The following SIGLEC9 variants were observed in gnomAD, a reference collection of about 807,000 sequenced individuals.
The protein encoded by SIGLEC9 is sialic acid-binding Ig-like lectin 9.
A neutral mutation model predicts 38.3 loss-of-function variants in SIGLEC9; 26 were observed. That is an observed-to-expected ratio of 0.68 (90% CI 0.50 to 0.94). SIGLEC9 has a LOEUF of 0.94. Among genes scored for constraint, SIGLEC9 ranks in the 40% least tolerant of loss-of-function variants. The pLI is 0.00. For missense variants in SIGLEC9, 556 were observed against 585.7 expected (o/e 0.95, Z 0.52); for synonymous variants, 236 against 248.0 (o/e 0.95, Z 0.45).
chr19:51,130,069 T>A lies in SIGLEC9; in HGVS notation c.1382T>A (p.Ile461Asn). The change falls in exon 7 of 7, where the codon ATC (isoleucine) becomes AAC (asparagine). Residue 461 changes from isoleucine to asparagine, a missense_variant. Physicochemically the swap from Ile to Asn is moderately radical, Grantham distance 149. Coordinates refer to ENST00000250360, the MANE Select transcript of SIGLEC9 (RefSeq NM_014441.3). ...ATDTEYSEIKIHR is the reference protein window; with the variant it reads ...ATDTEYSEIKNHR ...GACACCGAGTACTCGGAGATCAAGA[T>A]CCACAGATGAGAAACTGCAGAGACT... is the stretch of plus-strand genomic sequence containing the variant. 7.5e-6 allele frequency: 12 copies of A among 1,610,556 alleles called. No homozygotes were observed. Among genetic ancestry groups the A allele is most frequent in the Non-Finnish European group, 1.0e-5 (12 of 1,178,174 alleles).
At position 51,125,663 on chromosome 19, in the gene SIGLEC9, C is replaced by T. The variant is rs745714183; in HGVS notation, c.488C>T (p.Thr163Ile). Residue 163 changes from threonine (T) to isoleucine (I), a missense_variant, in exon 2 of 7, where the codon ACC becomes ATC. By Grantham distance (89) the Thr-to-Ile change is moderately conservative. Coordinates refer to ENST00000250360, the MANE Select transcript of SIGLEC9 (RefSeq NM_014441.3). ...GAGTCCGGCTGCCCCCAGAATCTGA[C>T]CTGCTCTGTGCCCTGGGCCTGTGAG... ...TLESGCPQNLTCSVPWACEQG... is the reference protein window; with the variant it reads ...TLESGCPQNLICSVPWACEQG... 1.9e-6 allele frequency: 3 copies of T among 1,613,760 alleles called. No individual in the cohort carries two copies. Among genetic ancestry groups the T allele is most frequent in the South Asian group, 1.1e-5 (1 of 91,094 alleles).
At chr19:51,129,146 G>GT (rs750894593) in intron 6 of SIGLEC9, among the ~76,000 whole-genome samples, 3,882 of 136,128 alleles carry the variant, frequency 0.029, 308 homozygotes, top group Admixed American at 0.17. Flanking sequence ...GACTTTTTTT[G>GT]TTTTTTTTTT....
upstream of SIGLEC9, chr19:51,120,449 G>C (rs2091948315): frequency 6.6e-6 from 1 of 152,268 alleles, no homozygotes; most frequent in African/African-American, 2.4e-5. This position sits in a 1 kb window ranked among gnomAD's most constrained non-coding sequence, Gnocchi z 4.1. Flanking sequence ...CCCAGAAACA[G>C]GAATCAGCCC....
downstream of SIGLEC9, among the ~76,000 whole-genome samples, chr19:51,134,879 C>T (rs1197296330): frequency 6.6e-6 from 1 of 152,138 alleles, no homozygotes; most frequent in Non-Finnish European, 1.5e-5. Flanking sequence ...TACATTGCAT[C>T]TTTACTTTCC....
chr19:51,129,305 C>T (rs1388850306), intron 6 of SIGLEC9, among the ~76,000 whole-genome samples: 2 of 150,962 alleles, frequency 1.3e-5, no homozygotes, highest in Non-Finnish European at 3.0e-5. Context: ...ACTACAGGCG[C>T]CTGCCACCAC....
chr19:51,127,067 C>T lies in SIGLEC9; in HGVS notation c.786C>T (p.Leu262=). 3 of 1,614,114 alleles carry T rather than the reference C, an allele frequency of 1.9e-6. No individual in the cohort carries two copies. Among genetic ancestry groups the T allele is most frequent in the South Asian group, 1.1e-5 (1 of 91,080 alleles). The change falls in exon 4 of 7, where the codon CTC becomes CTT. Residue 262 remains leucine (L), a synonymous_variant. Transcript: ENST00000250360. ...TVLGNGSSLS[L]PEGQSLRLVC... is the part of the protein sequence containing the mutation. ...TGGGAAATGGCTCATCTCTGTCACT[C>T]CCAGAGGGCCAGTCTCTGCGCCTGG...
upstream of SIGLEC9, among the ~76,000 whole-genome samples, chr19:51,124,433 A>AC (rs200603906): frequency 3.4e-3 from 519 of 152,082 alleles, 6 homozygotes; most frequent in African/African-American, 0.012. Flanking sequence ...CCGCACAGTG[A>AC]CCCCTTGGGG....
intron 6 of SIGLEC9, among the ~76,000 whole-genome samples, chr19:51,129,397 G>C (rs547935780): frequency 6.6e-6 from 1 of 152,040 alleles, no homozygotes; most frequent in South Asian, 2.1e-4. Flanking sequence ...CTGACCTTGT[G>C]ATCTGCCCAC....
chr19:51,128,791 A>G, intron 6 of SIGLEC9: 2 of 389,748 alleles, frequency 5.1e-6, no homozygotes, highest in Non-Finnish European at 9.5e-6. Flanking sequence ...GCCTGGGGGG[A>G]CTGTCCAGAA....
At chr19:51,133,781 T>A (rs1429913532), downstream of SIGLEC9, among the ~76,000 whole-genome samples, 2 of 152,146 alleles carry the variant, frequency 1.3e-5, no homozygotes, top group Non-Finnish European at 2.9e-5. Flanking sequence ...CACATGTGGC[T>A]ACTGAGCACT....
chr19:51,119,793 T>A, the SIGLEC9 span, among the ~76,000 whole-genome samples: 1 of 134,526 alleles, frequency 7.4e-6, no homozygotes, highest in Admixed American at 6.9e-5. Flanking sequence ...GAGGGACTCT[T>A]GTGACCAGAC....
chr19:51,128,166 C>T, intron 5 of SIGLEC9, 127 bp downstream of exon 5: 2 of 836,496 alleles, frequency 2.4e-6, no homozygotes, highest in East Asian at 2.4e-5. Flanking sequence ...AAGGAGGTCA[C>T]AGGTGCATGG....
At chr19:51,135,006 A>G (rs949973539), downstream of SIGLEC9, among the ~76,000 whole-genome samples, 2 of 152,326 alleles carry the variant, frequency 1.3e-5, no homozygotes, top group African/African-American at 4.8e-5. Context: ...TAAGCATCCC[A>G]GTCTCCTCTG....
At chr19:51,132,848 A>G (rs2092024276), downstream of SIGLEC9, among the ~76,000 whole-genome samples, 1 of 152,186 alleles carries the variant, frequency 6.6e-6, no homozygotes, top group South Asian at 2.1e-4. Context: ...GAAGGCCCAA[A>G]TGAAGGAAGA....
At chr19:51,121,877 C>T (rs928844370), upstream of SIGLEC9, among the ~76,000 whole-genome samples, 7 of 152,044 alleles carry the variant, frequency 4.6e-5, no homozygotes, top group African/African-American at 1.2e-4. Flanking sequence ...TCTGAGCCGC[C>T]GCACCCAGCC....
chr19:51,120,034 T>C (rs186279680), upstream of SIGLEC9: 84 of 179,496 alleles, frequency 4.7e-4, no homozygotes, highest in African/African-American at 1.9e-3. The surrounding 1 kb of genome is among the most constrained non-coding windows in gnomAD (Gnocchi z 4.1). Flanking sequence ...TGCAGGCATG[T>C]GCTCTGCGCT....
chr19:51,129,824 C>T (rs1476200120), intron 6 of SIGLEC9, 67 bp from the exon 7 acceptor site: 21 of 1,184,948 alleles, frequency 1.8e-5, no homozygotes, highest in Non-Finnish European at 2.3e-5. Flanking sequence ...GCTGGGATTA[C>T]AGATGTGAGC....
chr19:51,123,175 A>G (rs1361504858), upstream of SIGLEC9, among the ~76,000 whole-genome samples: 2 of 151,898 alleles, frequency 1.3e-5, no homozygotes, highest in African/African-American at 4.8e-5. Flanking sequence ...CTTCCCCCCA[A>G]CCCCCATGGC....
upstream of SIGLEC9, among the ~76,000 whole-genome samples, chr19:51,121,582 CTT>C (rs374127142): frequency 1.7e-4 from 21 of 123,748 alleles, no homozygotes; most frequent in African/African-American, 3.8e-4. Context: ...CCTTTGCTGT[CTT>C]TTTTTTTTTT....
Sources: allele counts gnomAD v4.1 joint callset (sites outside exome capture counted in the v4.1 genomes callset), GRCh38; gene constraint gnomAD v4.1.1; non-coding constraint Gnocchi (gnomAD v3.1); transcripts MANE v1.5; gene names NCBI Gene and HGNC (gene_info 2026-07-23, HGNC 2026-07-21).